Variants in RIT2 observed in about 807,000 individuals in gnomAD.
The protein encoded by RIT2 is GTP-binding protein Rit2.
A neutral mutation model predicts 23.7 loss-of-function variants in RIT2; 24 were observed. That is an observed-to-expected ratio of 1.01 (90% CI 0.73 to 1.43). The LOEUF is 1.43. RIT2 is among the 40% of genes most tolerant of loss of function. RIT2 has a pLI of 0.00. For missense variants in RIT2, 236 were observed against 266.9 expected (o/e 0.88, Z 0.81); for synonymous variants, 107 against 91.1 (o/e 1.17, Z -0.99).
chr18:42,916,089 CT>C (rs889002238), intron 4 of RIT2, among the ~76,000 whole-genome samples: 2 of 152,042 alleles, frequency 1.3e-5, no homozygotes, highest in African/African-American at 4.8e-5. Flanking sequence ...CTTTAGCATA[CT>C]ATACTCTAGA....
intron 1 of RIT2, among the ~76,000 whole-genome samples, chr18:43,034,444 C>T (rs563353259): frequency 6.6e-6 from 1 of 152,130 alleles, no homozygotes; most frequent in Non-Finnish European, 1.5e-5. Flanking sequence ...TCTGTACCCT[C>T]CACATTATTT....
intron 1 of RIT2, among the ~76,000 whole-genome samples, chr18:43,086,774 A>G (rs1598777732): frequency 6.6e-6 from 1 of 152,158 alleles, no homozygotes; most frequent in Non-Finnish European, 1.5e-5. Context: ...ATCATGCTCT[A>G]TCTGGCACAT....
chr18:43,029,682 C>G (rs1425298597), intron 2 of RIT2, among the ~76,000 whole-genome samples: 1 of 151,888 alleles, frequency 6.6e-6, no homozygotes, highest in Non-Finnish European at 1.5e-5. Flanking sequence ...TCATTGTGCA[C>G]CTTTGACTCC....
chr18:43,000,552 G>T (rs184172986), intron 2 of RIT2, among the ~76,000 whole-genome samples: 4 of 151,910 alleles, frequency 2.6e-5, no homozygotes, highest in East Asian at 1.9e-4. Context: ...ATATGGTTTC[G>T]CTCTGTGTCC....
At chr18:42,986,662 C>T (rs770611631) in intron 2 of RIT2, among the ~76,000 whole-genome samples, 60 of 151,758 alleles carry the variant, frequency 4.0e-4, no homozygotes, top group Non-Finnish European at 7.8e-4. Context: ...CAACCGTGCC[C>T]AGCTAATTTT....
At chr18:43,086,048 G>T (rs114977412) in intron 1 of RIT2, among the ~76,000 whole-genome samples, 1 of 152,166 alleles carries the variant, frequency 6.6e-6, no homozygotes, top group Admixed American at 6.5e-5. Flanking sequence ...TTTATCAGCA[G>T]TGTGAAGATG....
At chr18:42,775,096 A>G (rs1189696551) in intron 4 of RIT2, among the ~76,000 whole-genome samples, 1 of 152,222 alleles carries the variant, frequency 6.6e-6, no homozygotes, top group African/African-American at 2.4e-5. Context: ...GTGGCACAAC[A>G]TAACAAAAGT....
intron 1 of RIT2, among the ~76,000 whole-genome samples, chr18:43,106,115 T>G (rs1913816664): frequency 6.6e-6 from 1 of 152,208 alleles, no homozygotes; most frequent in East Asian, 1.9e-4. Flanking sequence ...CTGGGTTTAG[T>G]GAGACTTAAT....
At chr18:42,967,785 T>G (rs545887665) in intron 3 of RIT2, among the ~76,000 whole-genome samples, 1 of 150,290 alleles carries the variant, frequency 6.7e-6, no homozygotes, top group South Asian at 2.1e-4. Context: ...GTGTTATTTA[T>G]TAATATTATT....
chr18:43,019,326 A>T (rs558175207), intron 2 of RIT2, among the ~76,000 whole-genome samples: 7 of 152,200 alleles, frequency 4.6e-5, no homozygotes, highest in Admixed American at 1.3e-4. Flanking sequence ...AGCACCAAAA[A>T]GATAATACAA....
rs1913037144 is a variant in RIT2, at chr18:43,076,983, G to A, written c.103+38434C>T. On this transcript the variant is annotated intron_variant, in intron 1 of 4. Transcript: ENST00000326695. ...CCGGCCGTAGTGGCGGGCGCCTGTA[G>A]TCCCAGCTACTCGGGAGGCTGAGGC... is the stretch of plus-strand genomic sequence containing the variant. Among the ~76,000 whole-genome samples the A allele has an allele frequency of 2.7e-5, 4 of 149,722 alleles. 1 individual carries two copies. In the South Asian group the frequency reaches 8.5e-4, roughly 32 times the overall value.
Position 42,752,639 on chromosome 18 carries a change from G to A in RIT2, c.427-8919C>T, listed in dbSNP as rs191341156. ...CTGTACATATTTAGTTGATTGTTCT[G>A]ATGTGAGGTTTTACAACTTAAAATA... On this transcript the variant is annotated intron_variant, in intron 4 of 4. Coordinates refer to ENST00000326695, the MANE Select transcript of RIT2 (RefSeq NM_002930.4). 1.5e-3 allele frequency among the ~76,000 whole-genome samples: 222 copies of A among 152,208 alleles called. 1 individual carries two copies. Among genetic ancestry groups the A allele is most frequent in the Non-Finnish European group, 2.5e-3 (171 of 68,020 alleles).
chr18:43,035,879 C>T (rs1246564767), intron 1 of RIT2, among the ~76,000 whole-genome samples: 2 of 152,208 alleles, frequency 1.3e-5, no homozygotes, highest in Admixed American at 6.5e-5. Flanking sequence ...TGAATAAAAT[C>T]TGTTCTTACC....
chr18:43,058,915 T>C (rs1257028914), intron 1 of RIT2, among the ~76,000 whole-genome samples: 1 of 151,894 alleles, frequency 6.6e-6, no homozygotes, highest in Admixed American at 6.6e-5. Context: ...AGCTTATTTT[T>C]CAATACATTG....
chr18:42,783,309 A>C (rs1428087134), intron 4 of RIT2, among the ~76,000 whole-genome samples: 2 of 152,084 alleles, frequency 1.3e-5, no homozygotes, highest in East Asian at 3.9e-4. Flanking sequence ...ATGGACAGGC[A>C]GAAAGTGGTG....
intron 1 of RIT2, among the ~76,000 whole-genome samples, chr18:43,062,759 A>C (rs1410941188): frequency 6.6e-6 from 1 of 152,178 alleles, no homozygotes; most frequent in East Asian, 1.9e-4. Context: ...CACATGTTTA[A>C]GTATGGGCAA....
intron 2 of RIT2, among the ~76,000 whole-genome samples, chr18:43,027,779 T>C (rs1257808237): frequency 6.6e-6 from 1 of 152,100 alleles, no homozygotes; most frequent in East Asian, 1.9e-4. Flanking sequence ...GGCTTCACGG[T>C]TATACTCAGC....
intron 1 of RIT2, among the ~76,000 whole-genome samples, chr18:43,055,082 T>C (rs1186590032): frequency 6.6e-6 from 1 of 152,134 alleles, no homozygotes; most frequent in African/African-American, 2.4e-5. Flanking sequence ...GCTTTTGAGC[T>C]GTTCCTGTTG....
At chr18:42,866,389 G>A (rs917797298) in intron 4 of RIT2, among the ~76,000 whole-genome samples, 6 of 152,064 alleles carry the variant, frequency 3.9e-5, no homozygotes, top group African/African-American at 1.4e-4. Flanking sequence ...AATCAATGCT[G>A]TACTAGATAG....
Sources: allele counts gnomAD v4.1 joint callset (sites outside exome capture counted in the v4.1 genomes callset), GRCh38; gene constraint gnomAD v4.1.1; transcripts MANE v1.5; gene names NCBI Gene and HGNC (gene_info 2026-07-23, HGNC 2026-07-21).